The following VAV3 variants were observed in gnomAD, a reference collection of about 807,000 sequenced individuals.
VAV3 encodes the protein vav guanine nucleotide exchange factor 3.
A neutral mutation model predicts 131.2 loss-of-function variants in VAV3; 94 were observed. The observed-to-expected ratio is 0.72, with a 90% CI of 0.61 to 0.85. The LOEUF (loss-of-function observed/expected upper bound fraction) is 0.85. VAV3 is among the 40% of genes least tolerant of loss of function. The probability of loss-of-function intolerance (pLI) is 0.00; values close to 1 mark genes in which losing one functional copy is unlikely to be tolerated. For missense variants in VAV3, 939 were observed against 1,002.7 expected (o/e 0.94, Z 0.86); for synonymous variants, 349 against 342.0 (o/e 1.02, Z -0.22).
In VAV3 at chr1:107,639,411, A is replaced by T. The variant is rs558614494; in HGVS notation, c.1914+3208T>A. ...AAAAGCCACAGATTAGGAGAAGCAT[A>T]TGGAAATAAAATATTTTATGAAGGA... On this transcript the variant is annotated intron_variant, in intron 20 of 26. Coordinates refer to ENST00000370056, the MANE Select transcript of VAV3 (RefSeq NM_006113.5). 1.6e-4 allele frequency among the ~76,000 whole-genome samples: 25 copies of T among 152,202 alleles called. No homozygotes were observed. In the South Asian group the frequency reaches 5.0e-3, roughly 30 times the overall value.
intron 19 of VAV3, among the ~76,000 whole-genome samples, chr1:107,645,097 A>G (rs11185155): frequency 0.99 from 150,313 of 152,048 alleles, 74,315 homozygotes; most frequent in Middle Eastern, 1. Flanking sequence ...GCTTCATTTA[A>G]GAAGTTCACC....
chr1:107,889,168 T>TGTGTGC (rs1671195228), intron 1 of VAV3, among the ~76,000 whole-genome samples: 2 of 151,728 alleles, frequency 1.3e-5, no homozygotes, highest in Admixed American at 1.3e-4. Flanking sequence ...TGTGTGTGTG[T>TGTGTGC]GTCACTTGCC....
chr1:107,910,985 T>C (rs533300369), intron 1 of VAV3, among the ~76,000 whole-genome samples: 133 of 151,092 alleles, frequency 8.8e-4, no homozygotes, highest in African/African-American at 3.1e-3. Flanking sequence ...CTCAGTCTCA[T>C]TAAAAGAAAA....
intron 1 of VAV3, among the ~76,000 whole-genome samples, chr1:107,916,964 G>C (rs1489665456): frequency 6.6e-5 from 10 of 152,144 alleles, no homozygotes; most frequent in Non-Finnish European, 1.5e-5. Flanking sequence ...TGTAAAGTGT[G>C]AAGGCAGTGA....
chr1:107,641,209 G>A lies in VAV3; in HGVS notation c.1914+1410C>T, dbSNP rs189479279. On this transcript the variant is annotated intron_variant, in intron 20 of 26. Coordinates refer to ENST00000370056, the MANE Select transcript of VAV3 (RefSeq NM_006113.5). ...ATTGAAATGGTGGTTAGAGACAAAC[G>A]TTCAATCTTTGGGCATTCTTATATA... Among the ~76,000 whole-genome samples, 512 of 152,208 alleles carry A rather than the reference G, an allele frequency of 3.4e-3. 2 individuals carry two copies. The highest frequency in any genetic ancestry group is 5.3e-3 in the Non-Finnish European group (363 of 67,984).
chr1:107,767,034 T>C (rs1381936789), intron 7 of VAV3, among the ~76,000 whole-genome samples: 1 of 152,232 alleles, frequency 6.6e-6, no homozygotes, highest in Admixed American at 6.5e-5. Context: ...TCCAAGTGCC[T>C]AATGTTTTAT....
chr1:107,582,230 G>A (rs939475554), intron 25 of VAV3, among the ~76,000 whole-genome samples: 4 of 152,142 alleles, frequency 2.6e-5, no homozygotes, highest in African/African-American at 7.2e-5. Context: ...CAGAGAACAT[G>A]CTGAGAATTT....
intron 15 of VAV3, among the ~76,000 whole-genome samples, chr1:107,735,664 C>T (rs1662572808): frequency 6.6e-6 from 1 of 152,082 alleles, no homozygotes; most frequent in Admixed American, 6.6e-5. Flanking sequence ...TAGGAAGACG[C>T]TGAATTCCTG....
At chr1:107,883,263 C>T (rs537695223) in intron 1 of VAV3, among the ~76,000 whole-genome samples, 71 of 152,192 alleles carry the variant, frequency 4.7e-4, no homozygotes, top group African/African-American at 1.5e-3. Context: ...CTGCAGCACC[C>T]GGCTCACATC....
chr1:107,697,199 A>G (rs931964901), intron 17 of VAV3, among the ~76,000 whole-genome samples: 1 of 152,164 alleles, frequency 6.6e-6, no homozygotes, highest in African/African-American at 2.4e-5. Flanking sequence ...TGATACAGAG[A>G]TTCTTCTTCC....
chr1:107,728,014 T>G (rs1661955782), intron 15 of VAV3, among the ~76,000 whole-genome samples: 1 of 152,174 alleles, frequency 6.6e-6, no homozygotes, highest in Admixed American at 6.5e-5. Context: ...GAAAGTTTCA[T>G]GCTAGTATCA....
intron 1 of VAV3, among the ~76,000 whole-genome samples, chr1:107,885,369 TTC>T (rs1050048337): frequency 4.6e-5 from 7 of 152,098 alleles, no homozygotes; most frequent in African/African-American, 1.7e-4. Flanking sequence ...ACTAAATGAA[TTC>T]TGTTATGCTG....
Position 107,688,399 on chromosome 1 carries a change from C to A in VAV3, c.1713G>T (p.Gly571=). ...NCGRVNSGEQ[G]TLKLPEKRTN... is the part of the protein sequence containing the mutation. ...ATCTTACCTCTGGTAGTTTGAGTGTCCCTTGTTCTGAAAGAAATGTAAAAA... is the reference window on the plus strand; with the variant it reads ...ATCTTACCTCTGGTAGTTTGAGTGTACCTTGTTCTGAAAGAAATGTAAAAA... The change falls in exon 18 of 27, where the codon GGG becomes GGT. Residue 571 remains glycine (G), a synonymous_variant. Transcript: ENST00000370056. The A allele has an allele frequency of 6.2e-7, 1 of 1,613,280 alleles. No homozygotes were observed. Among genetic ancestry groups the A allele is most frequent in the South Asian group, 1.1e-5 (1 of 90,990 alleles).
chr1:107,653,279 C>T (rs1656308409), intron 19 of VAV3, among the ~76,000 whole-genome samples: 1 of 151,538 alleles, frequency 6.6e-6, no homozygotes, highest in African/African-American at 2.4e-5. Context: ...GCTCAGAGAA[C>T]AACTATCAAC....
chr1:107,865,178 C>A (rs1162275174), intron 2 of VAV3, among the ~76,000 whole-genome samples: 7 of 152,136 alleles, frequency 4.6e-5, no homozygotes, highest in Non-Finnish European at 8.8e-5. Context: ...TTTACTTGAT[C>A]TCAAAGTCTC....
chr1:107,835,884 T>C (rs1200086273), intron 2 of VAV3, among the ~76,000 whole-genome samples: 1 of 152,190 alleles, frequency 6.6e-6, no homozygotes, highest in East Asian at 1.9e-4. Flanking sequence ...CCTCCGGAAT[T>C]CTGCAGGTTT....
intron 6 of VAV3, 75 bp from the exon 7 acceptor site, chr1:107,768,584 A>G (rs1430665672): frequency 8.1e-7 from 1 of 1,228,042 alleles, no homozygotes; most frequent in East Asian, 2.4e-5. Flanking sequence ...TCATCAACAA[A>G]CAACAAATAC....
In VAV3 at chr1:107,574,128, C is replaced by T. The variant is rs1649449113; in HGVS notation, c.2421G>A (p.Leu807=). Residue 807 remains leucine (L), a synonymous_variant, in exon 26 of 27, where the codon TTG becomes TTA. Coordinates refer to ENST00000370056, the MANE Select transcript of VAV3 (RefSeq NM_006113.5). The part of the protein sequence containing the change: ...YDFCARDMRE[L]SLLKGDVVKI... ...TCACCACATCTCCTTTCAACAAGGA[C>T]AACTCTCTCATATCTCTTGCACAGA... is the stretch of plus-strand genomic sequence containing the variant. The T allele has an allele frequency of 6.2e-7, 1 of 1,614,128 alleles. No individual in the cohort carries two copies. Among genetic ancestry groups the T allele is most frequent in the Non-Finnish European group, 8.5e-7 (1 of 1,180,036 alleles).
chr1:107,842,952 A>C (rs969338762), intron 2 of VAV3, among the ~76,000 whole-genome samples: 1 of 152,128 alleles, frequency 6.6e-6, no homozygotes, highest in Non-Finnish European at 1.5e-5. Flanking sequence ...ATCATGAGGA[A>C]CTTTATCTAT....
Sources: gnomAD v4.1 joint callset for allele counts (sites outside exome capture counted in the v4.1 genomes callset) on GRCh38, gnomAD v4.1.1 for gene constraint, MANE v1.5 for transcripts, NCBI Gene and HGNC (gene_info 2026-07-23, HGNC 2026-07-21) for gene names.